Variants in TOP6BL observed in about 807,000 individuals in gnomAD.
The protein encoded by TOP6BL is type 2 DNA topoisomerase 6 subunit B-like.
chr11:66,827,304 C>T, the TOP6BL span, among the ~76,000 whole-genome samples: 1 of 152,356 alleles, frequency 6.6e-6, no homozygotes. Context: ...CCTGCCTTGG[C>T]CTCCCAAAGT....
At chr11:66,828,434 TG>T in the TOP6BL span, 1 of 1,210,796 alleles carries the variant, frequency 8.3e-7, no homozygotes. Flanking sequence ...GAATTGAGGG[TG>T]GGTAGGTACA....
chr11:66,765,717 T>C, the TOP6BL span, among the ~76,000 whole-genome samples: 1 of 152,194 alleles, frequency 6.6e-6, no homozygotes, highest in African/African-American at 2.4e-5. Flanking sequence ...GATTTCACCA[T>C]GTTGGCCAGG....
the TOP6BL span, among the ~76,000 whole-genome samples, chr11:66,753,065 G>A: frequency 5.9e-5 from 9 of 151,958 alleles, no homozygotes; most frequent in Non-Finnish European, 1.3e-4. Flanking sequence ...GGAGGCGGAG[G>A]TTGCAGTGAG....
At chr11:66,799,865 A>T in the TOP6BL span, among the ~76,000 whole-genome samples, 2 of 151,238 alleles carry the variant, frequency 1.3e-5, no homozygotes, top group East Asian at 3.9e-4. Context: ...GGATCACTTG[A>T]CCTTGGGAGT....
At chr11:66,819,563 G>A in the TOP6BL span, among the ~76,000 whole-genome samples, 1 of 152,150 alleles carries the variant, frequency 6.6e-6, no homozygotes, top group African/African-American at 2.4e-5. Flanking sequence ...TTGAGCCCAA[G>A]AGTTCAAGAC....
chr11:66,775,892 A>G, the TOP6BL span, among the ~76,000 whole-genome samples: 1 of 151,986 alleles, frequency 6.6e-6, no homozygotes, highest in South Asian at 2.1e-4. Flanking sequence ...CTATAGTCTT[A>G]TAGTTTTTGT....
chr11:66,761,648 A>G, the TOP6BL span: 1 of 1,170,252 alleles, frequency 8.5e-7, no homozygotes, highest in Non-Finnish European at 1.2e-6. Flanking sequence ...GGCTGTGCGA[A>G]GCTCCACCAA....
At chr11:66,764,993 A>G in the TOP6BL span, among the ~76,000 whole-genome samples, 2 of 151,846 alleles carry the variant, frequency 1.3e-5, no homozygotes, top group Non-Finnish European at 2.9e-5. Context: ...ATATAAATGG[A>G]GTATATTATT....
chr11:66,820,580 T>C, the TOP6BL span, among the ~76,000 whole-genome samples: 1 of 152,260 alleles, frequency 6.6e-6, no homozygotes, highest in Admixed American at 6.5e-5. Context: ...ATCTCCCATT[T>C]AAAAGGACCT....
At chr11:66,805,271 C>G in the TOP6BL span, among the ~76,000 whole-genome samples, 1 of 151,926 alleles carries the variant, frequency 6.6e-6, no homozygotes, top group Non-Finnish European at 1.5e-5. Context: ...ATAATGAGTG[C>G]TTGAATCTAA....
chr11:66,767,532 G>C, the TOP6BL span, among the ~76,000 whole-genome samples: 1 of 152,042 alleles, frequency 6.6e-6, no homozygotes, highest in African/African-American at 2.4e-5. Flanking sequence ...TTTTAAAATA[G>C]CTTCTCATTT....
chr11:66,800,617 C>T, the TOP6BL span: 3 of 1,569,440 alleles, frequency 1.9e-6, no homozygotes, highest in Middle Eastern at 1.7e-4. Context: ...TGTTAAATCT[C>T]ACACTTAACT....
chr11:66,786,211 C>G, the TOP6BL span, among the ~76,000 whole-genome samples: 1 of 151,904 alleles, frequency 6.6e-6, no homozygotes, highest in African/African-American at 2.4e-5. Flanking sequence ...GGCAGGAGAC[C>G]CTGTTGAACC....
chr11:66,770,639 G>A, the TOP6BL span, among the ~76,000 whole-genome samples: 1 of 152,174 alleles, frequency 6.6e-6, no homozygotes, highest in Non-Finnish European at 1.5e-5. Context: ...AGAAGGTGGA[G>A]GTTACAGTGA....
the TOP6BL span, chr11:66,761,533 C>G: frequency 1.0e-6 from 1 of 971,256 alleles, no homozygotes; most frequent in East Asian, 3.8e-5. Context: ...GTTCACTGGC[C>G]AAAGCCTGCC....
the TOP6BL span, among the ~76,000 whole-genome samples, chr11:66,787,242 G>A: frequency 6.6e-6 from 1 of 151,908 alleles, no homozygotes; most frequent in Non-Finnish European, 1.5e-5. Flanking sequence ...CCGATAGCTA[G>A]GATTTGATCT....
At chr11:66,836,947 G>C in the TOP6BL span, among the ~76,000 whole-genome samples, 1 of 151,360 alleles carries the variant, frequency 6.6e-6, no homozygotes, top group African/African-American at 2.4e-5. Flanking sequence ...TATCTGCCTG[G>C]CTCAGTCTCC....
the TOP6BL span, among the ~76,000 whole-genome samples, chr11:66,750,519 G>T: frequency 1.3e-5 from 2 of 152,060 alleles, no homozygotes; most frequent in African/African-American, 4.8e-5. Context: ...CTGCACTCCA[G>T]CCTGGGTGAC....
At chr11:66,831,864 G>T in the TOP6BL span, among the ~76,000 whole-genome samples, 2 of 151,702 alleles carry the variant, frequency 1.3e-5, no homozygotes, top group East Asian at 4.0e-4. Flanking sequence ...GGGCATGGTG[G>T]CAGGCAACTA....
Sources: allele counts gnomAD v4.1 joint callset (sites outside exome capture counted in the v4.1 genomes callset), GRCh38; gene constraint gnomAD v4.1.1; transcripts MANE v1.5; gene names NCBI Gene and HGNC (gene_info 2026-07-23, HGNC 2026-07-21).